CCDC169: variants seen among roughly 807,000 people sequenced by gnomAD.
CCDC169 encodes coiled-coil domain containing 169.
A neutral mutation model predicts 36.0 loss-of-function variants in CCDC169; 30 were observed. That is an observed-to-expected ratio of 0.83 (90% CI 0.62 to 1.13). The LOEUF (loss-of-function observed/expected upper bound fraction) is 1.13, where lower values mean the gene tolerates loss of function less well. CCDC169 is among the 50% of genes most tolerant of loss of function. The pLI is 0.00. For missense variants in CCDC169, 245 were observed against 245.9 expected (o/e 1.00, Z 0.03); for synonymous variants, 85 against 81.5 (o/e 1.04, Z -0.23).
At chr13:36,289,352 A>G (rs1270914278) in intron 2 of CCDC169, among the ~76,000 whole-genome samples, 1 of 152,136 alleles carries the variant, frequency 6.6e-6, no homozygotes, top group African/African-American at 2.4e-5. Context: ...AAAATGTTTT[A>G]TCTTAAAGGT....
At chr13:36,238,346 AGCCTT>A (rs1871330406) in intron 7 of CCDC169, among the ~76,000 whole-genome samples, 2 of 152,164 alleles carry the variant, frequency 1.3e-5, no homozygotes, top group African/African-American at 4.8e-5. Flanking sequence ...AGCTCACGGC[AGCCTT>A]CAACTCCTGG....
intron 6 of CCDC169, among the ~76,000 whole-genome samples, chr13:36,251,130 G>C (rs1873101370): frequency 6.6e-6 from 1 of 152,194 alleles, no homozygotes; most frequent in African/African-American, 2.4e-5. Context: ...TCCCAAGAGG[G>C]GGAAACTCAG....
At chr13:36,270,693 T>C (rs1383069038) in intron 4 of CCDC169, among the ~76,000 whole-genome samples, 2 of 152,152 alleles carry the variant, frequency 1.3e-5, no homozygotes, top group Non-Finnish European at 2.9e-5. Context: ...TTTTAATAAA[T>C]GGTGCAGGGA....
chr13:36,230,998 C>A lies in CCDC169; in HGVS notation c.*195G>T. On this transcript the variant is annotated 3_prime_UTR_variant, in exon 8 of 8. Transcript: ENST00000239859. The stretch of plus-strand genomic sequence containing the variant: ...TTAAAACTCTCAAGCACTTCTATTA[C>A]ATAGTTTAGGGTCACTGGAGAAAAT... The A allele has an allele frequency of 7.4e-7, 1 of 1,351,988 alleles. No homozygotes were observed. The allele number at this position is 1,351,988 out of a possible 1,614,324, so 83.7% of individuals were successfully genotyped here.
intron 4 of CCDC169, among the ~76,000 whole-genome samples, chr13:36,263,096 G>A (rs886115249): frequency 6.6e-6 from 1 of 152,098 alleles, no homozygotes; most frequent in African/African-American, 2.4e-5. Context: ...GAGTAGGAGA[G>A]GGAGGGATTA....
intron 4 of CCDC169, among the ~76,000 whole-genome samples, chr13:36,277,557 G>A (rs1393124484): frequency 6.6e-6 from 1 of 152,114 alleles, no homozygotes; most frequent in Non-Finnish European, 1.5e-5. Flanking sequence ...TTCTTGGAAG[G>A]AATTTCAGGT....
intron 2 of CCDC169, among the ~76,000 whole-genome samples, chr13:36,285,614 G>GATACATAGATAC (rs60807853): frequency 2.0e-3 from 277 of 138,168 alleles, no homozygotes; most frequent in African/African-American, 5.8e-3. Context: ...TAGATAGATA[G>GATACATAGATAC]ATAGATACAT....
chr13:36,290,560 G>A (rs9547083), intron 2 of CCDC169, among the ~76,000 whole-genome samples: 31,444 of 151,816 alleles, frequency 0.21, 3,876 homozygotes, highest in East Asian at 0.49. Flanking sequence ...AGATTTTGAG[G>A]GATAAAATTA....
chr13:36,256,362 A>G (rs1466233410), intron 4 of CCDC169, among the ~76,000 whole-genome samples: 1 of 152,134 alleles, frequency 6.6e-6, no homozygotes, highest in Non-Finnish European at 1.5e-5. Context: ...GGCCTCAGGA[A>G]ACTTATAATC....
At chr13:36,259,940 G>A (rs1351677180) in intron 4 of CCDC169, among the ~76,000 whole-genome samples, 1 of 152,248 alleles carries the variant, frequency 6.6e-6, no homozygotes, top group African/African-American at 2.4e-5. Flanking sequence ...AGGCCTGCCT[G>A]AGGCAGGTGG....
chr13:36,231,077 G>C lies in CCDC169; in HGVS notation c.*116C>G. 7.0e-7 allele frequency: 1 copy of C among 1,433,060 alleles called. No homozygotes were observed. Among genetic ancestry groups the C allele is most frequent in the South Asian group, 1.6e-5 (1 of 62,778 alleles). The allele number at this position is 1,433,060 out of a possible 1,614,324, so 88.8% of individuals were successfully genotyped here. ...TCTGGAAAAGGAACTAAAGAAAAAT[G>C]TGGCAGTTCTTATCTATTTTATTCC... On this transcript the variant is annotated 3_prime_UTR_variant, in exon 8 of 8. Coordinates refer to ENST00000239859, the MANE Select transcript of CCDC169 (RefSeq NM_001144981.3).
chr13:36,268,504 G>A (rs563243718), intron 4 of CCDC169, among the ~76,000 whole-genome samples: 2 of 152,142 alleles, frequency 1.3e-5, no homozygotes, highest in African/African-American at 4.8e-5. Context: ...AGCACTAAAG[G>A]CCTGTATCAA....
intron 4 of CCDC169, among the ~76,000 whole-genome samples, chr13:36,277,502 T>C (rs1876972872): frequency 6.6e-6 from 1 of 152,154 alleles, no homozygotes; most frequent in Admixed American, 6.5e-5. Context: ...ATACCTTTAA[T>C]ATATATTAAT....
At chr13:36,250,751 G>T (rs958644958) in intron 6 of CCDC169, among the ~76,000 whole-genome samples, 4 of 152,142 alleles carry the variant, frequency 2.6e-5, no homozygotes, top group African/African-American at 9.7e-5. Flanking sequence ...AAACTATCTT[G>T]CAGGAGTGTA....
intron 2 of CCDC169, among the ~76,000 whole-genome samples, chr13:36,288,816 A>G (rs1878546067): frequency 6.6e-6 from 1 of 152,180 alleles, no homozygotes; most frequent in Admixed American, 6.5e-5. Context: ...AGTTGTGGAT[A>G]CAAAAATGTA....
downstream of CCDC169, among the ~76,000 whole-genome samples, chr13:36,228,017 C>A (rs903698598): frequency 2.6e-5 from 4 of 152,192 alleles, no homozygotes; most frequent in African/African-American, 9.7e-5. Flanking sequence ...CTTTCTACTG[C>A]CAAATAATAT....
At chr13:36,252,761 A>T (rs1416428887) in intron 6 of CCDC169, among the ~76,000 whole-genome samples, 2 of 152,132 alleles carry the variant, frequency 1.3e-5, no homozygotes, top group African/African-American at 4.8e-5. Context: ...TCAAATCTTT[A>T]TTTGTTTCCT....
At chr13:36,224,266 C>T (rs1488191791), downstream of CCDC169, 1 of 151,662 alleles carries the variant, frequency 6.6e-6, no homozygotes, top group Non-Finnish European at 1.5e-5. Context: ...CAACATAGTA[C>T]TGGAAGTGCT....
intron 4 of CCDC169, among the ~76,000 whole-genome samples, chr13:36,256,105 T>C (rs958069696): frequency 2.0e-5 from 3 of 152,184 alleles, no homozygotes; most frequent in Non-Finnish European, 2.9e-5. Context: ...GCTGTGCAGG[T>C]TGCTGATGGT....
Sources: gnomAD v4.1 joint callset for allele counts (sites outside exome capture counted in the v4.1 genomes callset) on GRCh38, gnomAD v4.1.1 for gene constraint, MANE v1.5 for transcripts, NCBI Gene and HGNC (gene_info 2026-07-23, HGNC 2026-07-21) for gene names.